Variants in PCDHA9 observed in about 807,000 individuals in gnomAD.
PCDHA9 encodes protocadherin alpha 9.
Under a neutral mutation model 62.0 loss-of-function variants are expected in PCDHA9, and 62 were observed. The observed-to-expected ratio is 1.00, with a 90% CI of 0.81 to 1.23. PCDHA9 has a LOEUF of 1.23. PCDHA9 is among the 50% of genes most tolerant of loss of function. PCDHA9 has a pLI of 0.00. For synonymous variants in PCDHA9, 557 were observed against 567.6 expected, an observed-to-expected ratio of 0.98 and a Z score of 0.27; for missense variants, 1,205 against 1,249.8, an observed-to-expected ratio of 0.96 and a Z score of 0.54.
chr5:140,962,944 G>T (rs572517623), intron 1 of PCDHA9, among the ~76,000 whole-genome samples: 1 of 152,158 alleles, frequency 6.6e-6, no homozygotes, highest in East Asian at 1.9e-4. Flanking sequence ...CTCTCCATAA[G>T]ATATGCTCTA....
At chr5:140,863,648 T>C (rs2048105633) in intron 1 of PCDHA9, 2 of 299,994 alleles carry the variant, frequency 6.7e-6, no homozygotes, top group Non-Finnish European at 1.3e-5. Context: ...AAGTTATTAA[T>C]TTGATTGCTT....
rs782491268 is a variant in PCDHA9 at position 140,857,317 on chromosome 5, G to T, written c.2394+6428G>T. 1.5e-5 allele frequency: 24 copies of T among 1,598,644 alleles called. 2 individuals carry two copies. The highest frequency in any genetic ancestry group is 1.9e-5 in the Non-Finnish European group (22 of 1,168,052). ...AGAGGGTGTCGGCCTATGAGCTGGTGGTGACCGCGCGGGACGGGGGCTCGC... is the reference window on the plus strand; with the variant it reads ...AGAGGGTGTCGGCCTATGAGCTGGTTGTGACCGCGCGGGACGGGGGCTCGC... On this transcript the variant is annotated intron_variant, in intron 1 of 3. Transcript: ENST00000532602.
intron 1 of PCDHA9, chr5:140,869,517 A>G: frequency 6.2e-7 from 1 of 1,614,200 alleles, no homozygotes; most frequent in Non-Finnish European, 8.5e-7. Flanking sequence ...TCAGAGAACA[A>G]AAGCTGCTGA....
chr5:141,001,842 A>G (rs574186951), intron 3 of PCDHA9, among the ~76,000 whole-genome samples: 108 of 152,288 alleles, frequency 7.1e-4, no homozygotes, highest in Non-Finnish European at 1.3e-3. Context: ...GGAGACAGAG[A>G]GAGAGGTTGA....
chr5:140,930,072 C>G (rs2086579078), intron 1 of PCDHA9: 1 of 152,132 alleles, frequency 6.6e-6, no homozygotes, highest in Admixed American at 6.5e-5. Flanking sequence ...AACTGTAAGC[C>G]TCTCTCATAA....
rs557129583 is a variant in PCDHA9 at position 140,853,604 on chromosome 5, G to A, written c.2394+2715G>A. The A allele has an allele frequency of 2.1e-4, 212 of 987,262 alleles. 18 individuals are homozygous for A. Among genetic ancestry groups the A allele is most frequent in the Non-Finnish European group, 2.2e-4 (180 of 819,618 alleles). 61.2% of individuals were successfully genotyped at this position (987,262 alleles called of 1,614,324 possible). A position where few individuals can be genotyped will look rare whatever the true frequency, so the allele number is the denominator to read the frequency against. ...ATCTTAGACACTTTGAGAGCAAAGG[G>A]GGTGCTGTAAATAAGTATACAAGAT... On this transcript the variant is annotated intron_variant, in intron 1 of 3. Coordinates refer to ENST00000532602, the MANE Select transcript of PCDHA9 (RefSeq NM_031857.2).
rs781870271 is a variant in PCDHA9, at chr5:140,968,199, T to C, written c.2395-10750T>C. The C allele has an allele frequency of 4.3e-6, 7 of 1,613,986 alleles. No homozygotes were observed. The South Asian group carries it at 7.7e-5, about 18-fold the overall frequency. The stretch of plus-strand genomic sequence containing the variant: ...CTGGAGGACTCCTATTCCATCTACA[T>C]ACAGGAGAACAATTTGCCAGGTGTG... On this transcript the variant is annotated intron_variant, in intron 1 of 3. Transcript: ENST00000532602.
intron 1 of PCDHA9, chr5:140,856,463 C>T (rs782279735): frequency 1.3e-6 from 2 of 1,598,356 alleles, no homozygotes; most frequent in Admixed American, 3.4e-5. Context: ...AGAACAAAAG[C>T]TCTCAATACC....
At chr5:141,008,015 T>C (rs2098356412) in intron 3 of PCDHA9, among the ~76,000 whole-genome samples, 1 of 152,088 alleles carries the variant, frequency 6.6e-6, no homozygotes. Flanking sequence ...TTCTGTTTCC[T>C]TTTTTTTCTT....
intron 1 of PCDHA9, among the ~76,000 whole-genome samples, chr5:140,971,036 G>A (rs919714179): frequency 2.0e-5 from 3 of 152,204 alleles, no homozygotes; most frequent in Non-Finnish European, 2.9e-5. Context: ...TTGAAAGCAC[G>A]TAAAAGGGTT....
chr5:140,895,044 C>T (rs964599264), intron 1 of PCDHA9, among the ~76,000 whole-genome samples: 24 of 152,112 alleles, frequency 1.6e-4, no homozygotes, highest in Non-Finnish European at 2.2e-4. Flanking sequence ...CCACCCACAC[C>T]ATTCTGCTTC....
At chr5:140,985,373 C>T (rs1228293287) in intron 3 of PCDHA9, among the ~76,000 whole-genome samples, 1 of 152,106 alleles carries the variant, frequency 6.6e-6, no homozygotes, top group Non-Finnish European at 1.5e-5. Flanking sequence ...TTATCTGGGT[C>T]TATATAATCC....
At chr5:140,999,321 A>G (rs1043394227) in intron 3 of PCDHA9, among the ~76,000 whole-genome samples, 32 of 152,198 alleles carry the variant, frequency 2.1e-4, no homozygotes, top group Non-Finnish European at 3.2e-4. Context: ...ACAGACATTG[A>G]TCTGTGTGAT....
intron 1 of PCDHA9, among the ~76,000 whole-genome samples, chr5:140,978,124 G>A (rs1554239035): frequency 6.6e-6 from 1 of 152,140 alleles, no homozygotes; most frequent in East Asian, 1.9e-4. Context: ...GTCTTTAGGT[G>A]CCCATATTTT....
At chr5:140,990,862 AT>A (rs2097420167) in intron 3 of PCDHA9, among the ~76,000 whole-genome samples, 1 of 152,198 alleles carries the variant, frequency 6.6e-6, no homozygotes, top group Non-Finnish European at 1.5e-5. Flanking sequence ...AGGACATTGT[AT>A]TTTAAGTGTA....
intron 1 of PCDHA9, among the ~76,000 whole-genome samples, chr5:140,961,545 C>A (rs1486984950): frequency 6.6e-6 from 1 of 152,146 alleles, no homozygotes; most frequent in Non-Finnish European, 1.5e-5. Flanking sequence ...GTTCCTGCAG[C>A]ATTTCTTTTT....
rs2150412842 is a variant in PCDHA9 at position 140,848,560 on chromosome 5, C to A, written c.65C>A (p.Ala22Glu). 2.5e-6 allele frequency: 4 copies of A among 1,595,490 alleles called. No homozygotes were observed. The highest frequency in any genetic ancestry group is 3.4e-5 in the Admixed American group (2 of 59,252). The change falls in exon 1 of 4, where the codon GCA becomes GAA. Residue 22 changes from alanine (A) to glutamate (E), a missense_variant. This residue lies in a region of PCDHA9 where 208 missense variants were observed against 213.2 expected (regional missense o/e 0.98). Coordinates refer to ENST00000532602, the MANE Select transcript of PCDHA9 (RefSeq NM_031857.2). ...QPLLLSLLIL[A>E]MWVVGSGQLH... ...CTACTGCTCTCGCTTCTGATCCTCG[C>A]AATGTGGGTGGTGGGGAGCGGCCAG...
intron 1 of PCDHA9, chr5:140,863,483 G>A: frequency 4.3e-6 from 2 of 464,772 alleles, no homozygotes; most frequent in Non-Finnish European, 8.6e-6. Context: ...CGCCTCCCAA[G>A]GTCAACATTA....
At position 140,852,925 on chromosome 5, in the gene PCDHA9, C is replaced by G. The variant is rs2150525482; in HGVS notation, c.2394+2036C>G. 94 of 702,082 alleles carry G rather than the reference C, an allele frequency of 1.3e-4. 5 individuals are homozygous for G. The South Asian group carries it at 4.5e-3, about 34-fold the overall frequency. The allele number at this position is 702,082 out of a possible 1,614,324, so 43.5% of individuals were successfully genotyped here. On this transcript the variant is annotated intron_variant, in intron 1 of 3. Coordinates refer to ENST00000532602, the MANE Select transcript of PCDHA9 (RefSeq NM_031857.2). ...TCAGAGTCTCGCTCTGTTGCCCAGG[C>G]TGGAGTGCAGTGGTGCCATCTTGGC...
Sources: allele counts gnomAD v4.1 joint callset (sites outside exome capture counted in the v4.1 genomes callset), GRCh38; gene constraint gnomAD v4.1.1; regional missense constraint gnomAD v4.1.1; transcripts MANE v1.5; gene names NCBI Gene and HGNC (gene_info 2026-07-23, HGNC 2026-07-21).